The following ADAMTS12 variants were observed in gnomAD, a reference collection of about 807,000 sequenced individuals.
ADAMTS12 encodes A disintegrin and metalloproteinase with thrombospondin motifs 12.
In ADAMTS12, 118 loss-of-function variants were observed where a neutral mutation model predicts 167.8. The observed-to-expected ratio is 0.70, with a 90% CI of 0.61 to 0.82. The LOEUF (loss-of-function observed/expected upper bound fraction) is 0.82. Ranked by LOEUF, ADAMTS12 falls within the 40% of genes least tolerant of loss-of-function variation. ADAMTS12 has a pLI of 0.00. For synonymous variants in ADAMTS12, 704 were observed against 716.9 expected (o/e 0.98, Z 0.29); for missense variants, 1,916 against 1,998.8 (o/e 0.96, Z 0.79).
intron 2 of ADAMTS12, among the ~76,000 whole-genome samples, chr5:33,861,079 T>C (rs1749597818): frequency 6.6e-6 from 1 of 152,102 alleles, no homozygotes; most frequent in African/African-American, 2.4e-5. Flanking sequence ...AGCAAAAACA[T>C]ACCAAATTGT....
At chr5:33,785,345 G>C (rs1381766727) in intron 2 of ADAMTS12, among the ~76,000 whole-genome samples, 2 of 151,982 alleles carry the variant, frequency 1.3e-5, no homozygotes, top group African/African-American at 4.8e-5. Flanking sequence ...CGCAAACTTT[G>C]CTCTCAAAAT....
intron 3 of ADAMTS12, among the ~76,000 whole-genome samples, chr5:33,746,966 T>G (rs1744812354): frequency 6.6e-6 from 1 of 152,176 alleles, no homozygotes; most frequent in African/African-American, 2.4e-5. Context: ...ATTTGGGACT[T>G]GCCTAGCCAG....
At chr5:33,562,080 A>G (rs564012015) in intron 19 of ADAMTS12, among the ~76,000 whole-genome samples, 2 of 152,324 alleles carry the variant, frequency 1.3e-5, no homozygotes, top group South Asian at 4.1e-4. Flanking sequence ...CTCAAACTTT[A>G]GGGACCATAT....
chr5:33,558,977 T>G (rs903067964), intron 20 of ADAMTS12, among the ~76,000 whole-genome samples: 1 of 152,092 alleles, frequency 6.6e-6, no homozygotes, highest in Non-Finnish European at 1.5e-5. Flanking sequence ...TCACAACCCC[T>G]CTCTTCCAAA....
intron 3 of ADAMTS12, among the ~76,000 whole-genome samples, chr5:33,746,916 C>T (rs889627505): frequency 5.3e-5 from 8 of 152,118 alleles, no homozygotes; most frequent in African/African-American, 1.9e-4. Context: ...AGCCTGTGCC[C>T]AAGAGTTCTA....
intron 3 of ADAMTS12, among the ~76,000 whole-genome samples, chr5:33,698,877 C>G (rs1299991322): frequency 6.6e-6 from 1 of 151,774 alleles, no homozygotes; most frequent in Non-Finnish European, 1.5e-5. Flanking sequence ...AAGTATCTGG[C>G]TGGGCGTGGT....
At chr5:33,886,014 T>G (rs1018629751) in intron 1 of ADAMTS12, among the ~76,000 whole-genome samples, 5 of 152,276 alleles carry the variant, frequency 3.3e-5, no homozygotes, top group Non-Finnish European at 7.4e-5. Flanking sequence ...AAACTTAATC[T>G]AGGAGTTATC....
At chr5:33,883,258 A>C (rs1037539886) in intron 1 of ADAMTS12, among the ~76,000 whole-genome samples, 4 of 152,012 alleles carry the variant, frequency 2.6e-5, no homozygotes, top group Middle Eastern at 3.2e-3. Context: ...CTGGTTAATT[A>C]AAATAACTGG....
Position 33,881,276 on chromosome 5 carries a change from C to A in ADAMTS12, c.332G>T (p.Gly111Val). 6.2e-7 allele frequency: 1 copy of A among 1,614,160 alleles called. No homozygotes were observed. The highest frequency in any genetic ancestry group is 1.1e-5 in the South Asian group (1 of 91,076). Residue 111 changes from glycine (G) to valine (V), a missense_variant, in exon 2 of 24, where the codon GGA (glycine) becomes GTA (valine). Gly to Val is a moderately radical substitution (Grantham distance 109, BLOSUM62 -3). Coordinates refer to ENST00000504830, the MANE Select transcript of ADAMTS12 (RefSeq NM_030955.4). ...CATGATGTAGCTATTGGAAAGAAAT[C>A]CTTGATTGACCGTCAAGTTAAAAAA... ...DLFFNLTVNQ[G>V]FLSNSYIMEK...
At chr5:33,679,720 T>G (rs1302963311) in intron 5 of ADAMTS12, among the ~76,000 whole-genome samples, 3 of 152,216 alleles carry the variant, frequency 2.0e-5, no homozygotes, top group African/African-American at 7.2e-5. Flanking sequence ...TGCAGTAGAC[T>G]CAAAGTTCCT....
chr5:33,576,220 A>G lies in ADAMTS12; in HGVS notation c.3806T>C (p.Leu1269Pro). The G allele has an allele frequency of 6.2e-7, 1 of 1,614,202 alleles. No homozygotes were observed. Among genetic ancestry groups the G allele is most frequent in the Non-Finnish European group, 8.5e-7 (1 of 1,180,030 alleles). ...TTGGTTCATGTTGTTTGGAAGTTTC[A>G]GGTGGTTACGGTTTGCCGTCTTTCC... is the stretch of plus-strand genomic sequence containing the variant. ...PSGKTANRNH[L>P]KLPNNMNQTK... Residue 1269 changes from leucine to proline, a missense_variant, in exon 19 of 24, where the codon CTG (leucine) becomes CCG (proline). By Grantham distance (98) the Leu-to-Pro change is moderately conservative (BLOSUM62 -3). Transcript: ENST00000504830.
At chr5:33,660,720 C>T (rs773244764) in intron 6 of ADAMTS12, among the ~76,000 whole-genome samples, 2 of 152,172 alleles carry the variant, frequency 1.3e-5, no homozygotes, top group Non-Finnish European at 2.9e-5. Flanking sequence ...AGTCCCCGTG[C>T]TTACATTCCA....
At chr5:33,562,178 G>A (rs1007821854) in intron 19 of ADAMTS12, among the ~76,000 whole-genome samples, 2 of 152,154 alleles carry the variant, frequency 1.3e-5, no homozygotes, top group Non-Finnish European at 2.9e-5. Context: ...AAGCTCCCAG[G>A]TGCTGCTGAT....
At chr5:33,797,791 A>G (rs1279449594) in intron 2 of ADAMTS12, among the ~76,000 whole-genome samples, 2 of 152,236 alleles carry the variant, frequency 1.3e-5, no homozygotes, top group Non-Finnish European at 2.9e-5. Flanking sequence ...TCAAGCTATT[A>G]TGGAACCTGA....
At chr5:33,696,714 A>AC (rs1742791983) in intron 3 of ADAMTS12, among the ~76,000 whole-genome samples, 1 of 152,118 alleles carries the variant, frequency 6.6e-6, no homozygotes, top group African/African-American at 2.4e-5. Context: ...GATTAGAAAA[A>AC]CTATGTAAAG....
At chr5:33,784,620 CA>C (rs1412874409) in intron 2 of ADAMTS12, among the ~76,000 whole-genome samples, 2 of 151,678 alleles carry the variant, frequency 1.3e-5, no homozygotes, top group Non-Finnish European at 3.0e-5. Flanking sequence ...AAAATAATTA[CA>C]AATTAACGTT....
At chr5:33,671,503 G>GA (rs1561206215) in intron 5 of ADAMTS12, among the ~76,000 whole-genome samples, 1 of 152,082 alleles carries the variant, frequency 6.6e-6, no homozygotes. Flanking sequence ...AAAACAAACA[G>GA]AAAAATACAA....
intron 7 of ADAMTS12, among the ~76,000 whole-genome samples, chr5:33,652,264 C>G (rs549660762): frequency 6.6e-6 from 1 of 152,102 alleles, no homozygotes; most frequent in African/African-American, 2.4e-5. Flanking sequence ...TAAGCATTCT[C>G]TTTTCTCCAC....
intron 13 of ADAMTS12, among the ~76,000 whole-genome samples, chr5:33,625,205 A>T (rs1739526448): frequency 2.0e-5 from 3 of 152,168 alleles, no homozygotes; most frequent in Non-Finnish European, 4.4e-5. Context: ...AACAGAAAAT[A>T]GCTTCATTCT....
Sources: allele counts gnomAD v4.1 joint callset (sites outside exome capture counted in the v4.1 genomes callset), GRCh38; gene constraint gnomAD v4.1.1; transcripts MANE v1.5; gene names NCBI Gene and HGNC (gene_info 2026-07-23, HGNC 2026-07-21).